Variants in TRAF3IP2 observed in about 807,000 individuals in gnomAD.
TRAF3IP2 encodes E3 ubiquitin ligase TRAF3IP2.
Under a neutral mutation model 57.9 loss-of-function variants are expected in TRAF3IP2, and 35 were observed. The observed-to-expected ratio is 0.60, with a 90% CI of 0.46 to 0.80. The LOEUF (loss-of-function observed/expected upper bound fraction) is 0.80. TRAF3IP2 is among the 30% of genes least tolerant of loss of function. The probability of loss-of-function intolerance (pLI) is 0.00; values close to 1 mark genes in which losing one functional copy is unlikely to be tolerated. For missense variants in TRAF3IP2, 556 were observed against 706.4 expected (o/e 0.79, Z 2.41); for synonymous variants, 251 against 268.9 (o/e 0.93, Z 0.65).
At position 111,575,841 on chromosome 6, in the gene TRAF3IP2, C is replaced by G; in HGVS notation, c.1023-20G>C. ...TGGTCCCTAGAAAGGAATACATTTA[C>G]AGTCAATTTTCATTCTTTACAAAGG... On this transcript the variant is annotated intron_variant, in intron 3 of 8. Transcript: ENST00000368761. 1 of 1,602,842 alleles carries G rather than the reference C, an allele frequency of 6.2e-7. No individual in the cohort carries two copies. The highest frequency in any genetic ancestry group is 8.5e-7 in the Non-Finnish European group (1 of 1,176,244).
At chr6:111,579,316 C>CAAAAAA (rs529040872) in intron 3 of TRAF3IP2, among the ~76,000 whole-genome samples, 5 of 69,826 alleles carry the variant, frequency 7.2e-5, no homozygotes, top group African/African-American at 1.3e-4. Context: ...GGCTCCATCT[C>CAAAAAA]AAAAAAAAAA....
chr6:111,593,940 G>A (rs911512267), intron 1 of TRAF3IP2, among the ~76,000 whole-genome samples: 2 of 152,082 alleles, frequency 1.3e-5, no homozygotes, highest in Non-Finnish European at 2.9e-5. Context: ...AGACTAGCCT[G>A]GCTAACATGG....
chr6:111,590,268 A>T (rs1477788670), intron 2 of TRAF3IP2, among the ~76,000 whole-genome samples: 2 of 152,226 alleles, frequency 1.3e-5, no homozygotes, highest in East Asian at 3.8e-4. Context: ...GCATTTGCAG[A>T]TGCATAAAAA....
chr6:111,581,676 G>A (rs1796168048), intron 2 of TRAF3IP2, among the ~76,000 whole-genome samples: 1 of 152,076 alleles, frequency 6.6e-6, no homozygotes, highest in South Asian at 2.1e-4. Context: ...CTGAGAATGT[G>A]GATAAAAATT....
At chr6:111,567,329 C>A in intron 6 of TRAF3IP2, 1 of 1,132,206 alleles carries the variant, frequency 8.8e-7, no homozygotes, top group Non-Finnish European at 1.1e-6. Flanking sequence ...TGCTCTCTCC[C>A]CACTCTCCGC....
intron 2 of TRAF3IP2, among the ~76,000 whole-genome samples, chr6:111,585,737 GA>G (rs1796308287): frequency 6.6e-6 from 1 of 152,192 alleles, no homozygotes; most frequent in Non-Finnish European, 1.5e-5. Flanking sequence ...AGGGAAGGTG[GA>G]TGATGTGATA....
At chr6:111,585,596 A>G (rs1796303237) in intron 2 of TRAF3IP2, among the ~76,000 whole-genome samples, 1 of 152,156 alleles carries the variant, frequency 6.6e-6, no homozygotes, top group South Asian at 2.1e-4. Flanking sequence ...AACCCACACT[A>G]GTTAGTGTGT....
At chr6:111,578,826 A>G (rs1250246374) in intron 3 of TRAF3IP2, among the ~76,000 whole-genome samples, 1 of 152,220 alleles carries the variant, frequency 6.6e-6, no homozygotes, top group African/African-American at 2.4e-5. Context: ...CCACTCTAAT[A>G]GGAACTTCAT....
rs1334415158 is a variant in TRAF3IP2 at position 111,556,671 on chromosome 6, G to C, written c.*2734C>G. 4 of 152,202 alleles carry C rather than the reference G, an allele frequency of 2.6e-5. No homozygotes were observed. Among genetic ancestry groups the C allele is most frequent in the African/African-American group, 9.6e-5 (4 of 41,464 alleles). 9.4% of individuals were successfully genotyped at this position (152,202 alleles called of 1,614,324 possible). On this transcript the variant is annotated 3_prime_UTR_variant, in exon 9 of 9. Transcript: ENST00000368761. ...ACAAATGAGTACTTATGTTATGCTA[G>C]TTTTTCTTCTCTTTTCCTATTTTTT...
Position 111,580,259 on chromosome 6 carries a change from G to C in TRAF3IP2, c.960C>G (p.Pro320=). The C allele has an allele frequency of 6.2e-7, 1 of 1,612,918 alleles. No individual in the cohort carries two copies. Among genetic ancestry groups the C allele is most frequent in the South Asian group, 1.1e-5 (1 of 91,052 alleles). Residue 320 remains proline, a synonymous_variant, in exon 3 of 9, where the codon CCC becomes CCG. Coordinates refer to ENST00000368761, the MANE Select transcript of TRAF3IP2 (RefSeq NM_147686.4). The part of the protein sequence containing the change: ...VQKVILNYPS[P]WDHEERPAQR... Reference sequence around the variant, plus strand: ...GTGCGGGCCTCTCTTCGTGGTCCCAGGGGCTGGGATAATTCAGGATAACCT... The same window carrying C: ...GTGCGGGCCTCTCTTCGTGGTCCCACGGGCTGGGATAATTCAGGATAACCT...
intron 5 of TRAF3IP2, among the ~76,000 whole-genome samples, chr6:111,570,413 T>C (rs909803970): frequency 2.0e-5 from 3 of 152,196 alleles, no homozygotes; most frequent in Non-Finnish European, 4.4e-5. Context: ...CCCAATAAAA[T>C]TGGACTCTCT....
At chr6:111,599,707 G>C (rs1343607204) in intron 1 of TRAF3IP2, among the ~76,000 whole-genome samples, 2 of 152,052 alleles carry the variant, frequency 1.3e-5, no homozygotes, top group Non-Finnish European at 2.9e-5. Context: ...TCTGATCTCA[G>C]AGTTCACCAA....
At chr6:111,564,725 G>T (rs1170552192) in intron 7 of TRAF3IP2, among the ~76,000 whole-genome samples, 3 of 152,214 alleles carry the variant, frequency 2.0e-5, no homozygotes, top group African/African-American at 7.2e-5. Flanking sequence ...TTTGGCGACA[G>T]TTTGGTTCCA....
intron 8 of TRAF3IP2, among the ~76,000 whole-genome samples, chr6:111,562,717 G>A (rs1165388128): frequency 3.3e-5 from 5 of 151,712 alleles, no homozygotes; most frequent in African/African-American, 9.7e-5. Flanking sequence ...TGGTGGCAGG[G>A]ACCTGTAATC....
In TRAF3IP2 at chr6:111,557,590, C is replaced by G. The variant is rs571217535; in HGVS notation, c.*1815G>C. The G allele has an allele frequency of 2.6e-5, 4 of 151,630 alleles. No individual in the cohort carries two copies. Among genetic ancestry groups the G allele is most frequent in the African/African-American group, 4.8e-5 (2 of 41,306 alleles). 9.4% of individuals were successfully genotyped at this position (151,630 alleles called of 1,614,324 possible). ...GACTACAGGCGCCTGCCACCACGCC[C>G]GGCTATTTTTTTTGTATTTTTAGTA... On this transcript the variant is annotated 3_prime_UTR_variant, in exon 9 of 9. Coordinates refer to ENST00000368761, the MANE Select transcript of TRAF3IP2 (RefSeq NM_147686.4).
rs546798777 is a variant in TRAF3IP2 at position 111,589,409 on chromosome 6, A to G, written c.829+1849T>C. On this transcript the variant is annotated intron_variant, in intron 2 of 8. Transcript: ENST00000368761. ...TACAGATAACAGAATGTTAAAAAGT[A>G]GTTTATGGTATTATTCTCACAAATT... is the stretch of plus-strand genomic sequence containing the variant. 2.6e-5 allele frequency among the ~76,000 whole-genome samples: 4 copies of G among 152,342 alleles called. No homozygotes were observed. In the East Asian group the frequency reaches 5.8e-4, roughly 22 times the overall value.
chr6:111,591,515 T>A lies in TRAF3IP2; in HGVS notation c.572A>T (p.Asp191Val). Residue 191 changes from aspartate (D) to valine (V), a missense_variant, in exon 2 of 9, where the codon GAT becomes GTT. This residue lies in a region of TRAF3IP2 where 428 missense variants were observed against 498.7 expected (regional missense o/e 0.86). Transcript: ENST00000368761. This position sits in a 1 kb window ranked among gnomAD's most constrained non-coding sequence, Gnocchi z 4.9. ...PQPHRNRAGL[D>V]LPTIDTGYDS... ...ATATCCCGTGTCTATGGTTGGCAGATCCAGGCCTGCTCGGTTCCTGTGAGG... is the reference window on the plus strand; with the variant it reads ...ATATCCCGTGTCTATGGTTGGCAGAACCAGGCCTGCTCGGTTCCTGTGAGG... 6.2e-7 allele frequency: 1 copy of A among 1,613,778 alleles called. No homozygotes were observed. Among genetic ancestry groups the A allele is most frequent in the Non-Finnish European group, 8.5e-7 (1 of 1,179,732 alleles).
At chr6:111,600,417 C>T (rs1277049735) in intron 1 of TRAF3IP2, 4 of 152,186 alleles carry the variant, frequency 2.6e-5, no homozygotes, top group African/African-American at 9.7e-5. Flanking sequence ...CTTTGCCATT[C>T]CTGTTTTACA....
intron 1 of TRAF3IP2, among the ~76,000 whole-genome samples, chr6:111,599,282 TG>T (rs991122603): frequency 4.6e-5 from 7 of 152,138 alleles, no homozygotes; most frequent in African/African-American, 1.7e-4. Context: ...TTGGATCTGA[TG>T]GGCATCTTCC....
Sources: gnomAD v4.1 joint callset for allele counts (sites outside exome capture counted in the v4.1 genomes callset) on GRCh38, gnomAD v4.1.1 for gene constraint, gnomAD v4.1.1 regional missense constraint, Gnocchi (gnomAD v3.1) non-coding constraint, MANE v1.5 for transcripts, NCBI Gene and HGNC (gene_info 2026-07-23, HGNC 2026-07-21) for gene names.